SHC4: variants seen among roughly 807,000 people sequenced by gnomAD.
SHC4 encodes SHC-transforming protein 4.
SHC4 carries 41 observed loss-of-function variants against 69.4 expected under a neutral mutation model. The observed-to-expected ratio is 0.59, with a 90% CI of 0.46 to 0.77. The LOEUF (loss-of-function observed/expected upper bound fraction) is 0.77. SHC4 is among the 30% of genes least tolerant of loss of function. The pLI is 0.00. For missense variants in SHC4, 777 were observed against 783.8 expected (o/e 0.99, Z 0.10); for synonymous variants, 318 against 299.3 (o/e 1.06, Z -0.64).
chr15:48,885,129 G>A (rs1009297728), intron 3 of SHC4, among the ~76,000 whole-genome samples: 1 of 152,148 alleles, frequency 6.6e-6, no homozygotes, highest in Non-Finnish European at 1.5e-5. Flanking sequence ...AGAAGTGTGG[G>A]GGTGTGGTGA....
At chr15:48,888,821 C>T (rs1900084120) in intron 3 of SHC4, among the ~76,000 whole-genome samples, 1 of 149,652 alleles carries the variant, frequency 6.7e-6, no homozygotes, top group South Asian at 2.1e-4. Context: ...GTTTGAACCC[C>T]CAGGAGGCAG....
chr15:48,831,718 C>T (rs1898805717), intron 11 of SHC4, among the ~76,000 whole-genome samples: 1 of 152,186 alleles, frequency 6.6e-6, no homozygotes, highest in African/African-American at 2.4e-5. Context: ...TTATTTTTCA[C>T]ATTTTTGTCT....
chr15:48,848,001 T>TAAAAAAAAAA (rs571529935), intron 9 of SHC4, among the ~76,000 whole-genome samples: 5 of 99,832 alleles, frequency 5.0e-5, no homozygotes, highest in East Asian at 2.5e-4. Flanking sequence ...AAACTCCGTC[T>TAAAAAAAAAA]AAAAAAAAAA....
chr15:48,891,351 T>A (rs192746949), intron 2 of SHC4, among the ~76,000 whole-genome samples: 27 of 152,360 alleles, frequency 1.8e-4, no homozygotes, highest in Admixed American at 1.5e-3. Flanking sequence ...TGAGCTTTCA[T>A]GTAATTTCAC....
intron 11 of SHC4, among the ~76,000 whole-genome samples, chr15:48,828,035 A>G (rs886789461): frequency 2.6e-5 from 4 of 152,210 alleles, no homozygotes; most frequent in Admixed American, 6.5e-5. Context: ...CTTCACCCAC[A>G]CAAGATTTTT....
intron 2 of SHC4, among the ~76,000 whole-genome samples, chr15:48,904,975 A>G (rs1900383673): frequency 6.6e-6 from 1 of 150,570 alleles, no homozygotes; most frequent in African/African-American, 2.4e-5. Context: ...ACACACACGG[A>G]TGGCACCCAT....
intron 2 of SHC4, among the ~76,000 whole-genome samples, chr15:48,899,154 C>T (rs1435373052): frequency 6.6e-6 from 1 of 151,810 alleles, no homozygotes; most frequent in East Asian, 1.9e-4. Context: ...TCAGAGAATA[C>T]TTGGAATTTT....
rs553536885 is a variant in SHC4 at position 48,938,583 on chromosome 15, G to A, written c.586-13634C>T. Reference sequence around the variant, plus strand: ...TGAAGTTGGGTACAGCACCTGATTCGGCCAATGATATCACTGTGGGAGTGA... The same window carrying A: ...TGAAGTTGGGTACAGCACCTGATTCAGCCAATGATATCACTGTGGGAGTGA... On this transcript the variant is annotated intron_variant, in intron 1 of 11. Coordinates refer to ENST00000332408, the MANE Select transcript of SHC4 (RefSeq NM_203349.4). 5.9e-5 allele frequency among the ~76,000 whole-genome samples: 9 copies of A among 152,212 alleles called. No individual in the cohort carries two copies. In the East Asian group the frequency reaches 1.4e-3, roughly 23 times the overall value.
intron 2 of SHC4, among the ~76,000 whole-genome samples, chr15:48,900,702 T>C (rs1900306612): frequency 1.3e-5 from 2 of 152,096 alleles, no homozygotes; most frequent in South Asian, 4.1e-4. Context: ...CTAAAATGCA[T>C]TCAACACTCT....
In SHC4 at chr15:48,826,084, T is replaced by C. The variant is rs1317806921; in HGVS notation, c.1780A>G (p.Ile594Val). 2.5e-6 allele frequency: 4 copies of C among 1,613,888 alleles called. No individual in the cohort carries two copies. The highest frequency in any genetic ancestry group is 2.2e-5 in the East Asian group (1 of 44,852). ...DHVFDNVGHLIRYHMDNSLPI... is the reference protein window; with the variant it reads ...DHVFDNVGHLVRYHMDNSLPI... ...AAACTGTTATCCATATGGTATCTGA[T>C]AAGGTGGCCGACATTATCAAATACA... The change falls in exon 12 of 12, where the codon ATC becomes GTC. Residue 594 changes from isoleucine (I) to valine (V), a missense_variant. Ile to Val is a conservative substitution (Grantham distance 29). Transcript: ENST00000332408.
At chr15:48,937,861 G>A (rs1383692634) in intron 1 of SHC4, among the ~76,000 whole-genome samples, 1 of 152,200 alleles carries the variant, frequency 6.6e-6, no homozygotes, top group Non-Finnish European at 1.5e-5. Context: ...GTACAACGGT[G>A]AATTCTCCTT....
chr15:48,902,244 C>G (rs1900330695), intron 2 of SHC4, among the ~76,000 whole-genome samples: 4 of 150,500 alleles, frequency 2.7e-5, no homozygotes, highest in African/African-American at 9.7e-5. Context: ...CTAATTTGTA[C>G]AACACCTATT....
intron 4 of SHC4, among the ~76,000 whole-genome samples, chr15:48,882,243 C>A (rs1006078443): frequency 1.3e-5 from 2 of 152,076 alleles, no homozygotes; most frequent in Non-Finnish European, 2.9e-5. Flanking sequence ...ATCTCTCCCC[C>A]ATATCCCCCA....
At position 48,902,089 on chromosome 15, in the gene SHC4, C is replaced by T. The variant is rs182185173; in HGVS notation, c.657-11278G>A. On this transcript the variant is annotated intron_variant, in intron 2 of 11. Transcript: ENST00000332408. ...TGTTTGCTTGCACCTGTAGTCCCAG[C>T]TACTTGGGGAGGCTGAGGTGGGAGG... is the stretch of plus-strand genomic sequence containing the variant. Among the ~76,000 whole-genome samples the T allele has an allele frequency of 4.5e-4, 68 of 151,780 alleles. 1 individual carries two copies. Among genetic ancestry groups the T allele is most frequent in the African/African-American group, 1.6e-3 (67 of 41,376 alleles).
chr15:48,848,350 TC>T (rs1262612355), intron 9 of SHC4, among the ~76,000 whole-genome samples: 1 of 152,212 alleles, frequency 6.6e-6, no homozygotes, highest in Non-Finnish European at 1.5e-5. Context: ...GGAGGACTTT[TC>T]TTAACTGCAA....
chr15:48,948,932 C>T (rs1442397679), intron 1 of SHC4, among the ~76,000 whole-genome samples: 1 of 152,110 alleles, frequency 6.6e-6, no homozygotes, highest in African/African-American at 2.4e-5. Flanking sequence ...ACACCTCCCT[C>T]TCATCTAGAT....
intron 1 of SHC4, among the ~76,000 whole-genome samples, chr15:48,946,970 T>C (rs995585909): frequency 1.3e-5 from 2 of 152,172 alleles, no homozygotes; most frequent in Non-Finnish European, 2.9e-5. Context: ...GAGTCCGGTA[T>C]TATGTAAATA....
intron 5 of SHC4, among the ~76,000 whole-genome samples, chr15:48,871,475 G>T (rs1490081698): frequency 1.3e-5 from 2 of 152,176 alleles, no homozygotes; most frequent in Non-Finnish European, 2.9e-5. Flanking sequence ...TCCAGAAATG[G>T]TGCAGTAGGG....
chr15:48,902,363 T>C lies in SHC4; in HGVS notation c.657-11552A>G, dbSNP rs1900333204. ...TATAGTAACGGATGGTATAAGTTTC[T>C]ATAAAGGCAGAATACATGTCTGGCT... On this transcript the variant is annotated intron_variant, in intron 2 of 11. Coordinates refer to ENST00000332408, the MANE Select transcript of SHC4 (RefSeq NM_203349.4). Among the ~76,000 whole-genome samples the C allele has an allele frequency of 2.0e-5, 3 of 152,200 alleles. 1 individual carries two copies. In the South Asian group the frequency reaches 6.2e-4, roughly 32 times the overall value.
Sources: gnomAD v4.1 joint callset for allele counts (sites outside exome capture counted in the v4.1 genomes callset) on GRCh38, gnomAD v4.1.1 for gene constraint, MANE v1.5 for transcripts, NCBI Gene and HGNC (gene_info 2026-07-23, HGNC 2026-07-21) for gene names.